The following CSMD1 variants were observed in gnomAD, a reference collection of about 807,000 sequenced individuals.
CSMD1 encodes the protein CUB and Sushi multiple domains 1, also known as CUB and sushi domain-containing protein 1.
CSMD1 carries 213 observed loss-of-function variants against 417.5 expected under a neutral mutation model. The ratio of observed to expected loss-of-function variants is 0.51; its 90% CI spans 0.46 to 0.57. The LOEUF (loss-of-function observed/expected upper bound fraction) is 0.57, where lower values mean the gene tolerates loss of function less well. CSMD1 is among the 20% of genes least tolerant of loss of function. The pLI is 0.00. For missense variants in CSMD1, 6,923 were observed against 4,529.7 expected (o/e 1.53, Z -15.17); for synonymous variants, 2,862 against 1,736.8 (o/e 1.65, Z -16.11).
intron 1 of CSMD1, among the ~76,000 whole-genome samples, chr8:4,720,772 G>T (rs1393704149): frequency 6.6e-6 from 1 of 151,964 alleles, no homozygotes; most frequent in Non-Finnish European, 1.5e-5. Context: ...AAATCATCTT[G>T]GTCCATACTT....
rs1804126014 is a variant in CSMD1 at position 3,298,351 on chromosome 8, AC to A, written c.3950+9343del. ...CAGAACCATCCAAATGTCCATCAGC[AC>A]CCAGAATGGATAAATAAATTATATC... On this transcript the variant is annotated intron_variant, in intron 25 of 69. Coordinates refer to ENST00000635120, the MANE Select transcript of CSMD1 (RefSeq NM_033225.6). Among the ~76,000 whole-genome samples the A allele has an allele frequency of 3.3e-5, 5 of 152,206 alleles. No individual in the cohort carries two copies. The South Asian group carries it at 1.0e-3, about 31-fold the overall frequency.
intron 3 of CSMD1, among the ~76,000 whole-genome samples, chr8:4,058,967 A>G (rs1322620749): frequency 6.6e-6 from 1 of 151,942 alleles, no homozygotes; most frequent in Non-Finnish European, 1.5e-5. Flanking sequence ...AGAACTCTCC[A>G]CCCCAAATCA....
At chr8:4,892,547 C>A (rs137930092) in intron 1 of CSMD1, among the ~76,000 whole-genome samples, 1 of 152,000 alleles carries the variant, frequency 6.6e-6, no homozygotes, top group African/African-American at 2.4e-5. Context: ...CTTGTACTAG[C>A]GTTAGGTATT....
At chr8:3,990,954 C>T (rs551441460) in intron 5 of CSMD1, among the ~76,000 whole-genome samples, 2 of 152,140 alleles carry the variant, frequency 1.3e-5, no homozygotes, top group Non-Finnish European at 2.9e-5. Flanking sequence ...CTAGATGATG[C>T]TTTTCAGAAG....
intron 6 of CSMD1, among the ~76,000 whole-genome samples, chr8:3,742,527 A>T (rs1268885948): frequency 2.6e-5 from 4 of 152,204 alleles, no homozygotes; most frequent in African/African-American, 4.8e-5. Context: ...CTGCACTGAA[A>T]ATAAAATAAA....
intron 1 of CSMD1, among the ~76,000 whole-genome samples, chr8:4,816,639 C>A (rs372273475): frequency 2.0e-5 from 3 of 152,088 alleles, no homozygotes; most frequent in Admixed American, 6.5e-5. Flanking sequence ...TGTTCCCGAC[C>A]GTATGGCTCT....
At chr8:3,917,778 CCCA>C (rs984017751) in intron 5 of CSMD1, among the ~76,000 whole-genome samples, 2 of 152,074 alleles carry the variant, frequency 1.3e-5, no homozygotes, top group African/African-American at 2.4e-5. Context: ...AAAGATTCCC[CCCA>C]CACCTATTAT....
chr8:3,091,765 C>T (rs1005903949), intron 47 of CSMD1, 103 bp from the exon 48 acceptor site: 2 of 922,086 alleles, frequency 2.2e-6, no homozygotes, highest in Admixed American at 3.4e-5. Context: ...GTGTGCAATA[C>T]ACAGATATAA....
At chr8:3,308,751 TTTGC>T (rs780193684) in intron 23 of CSMD1, among the ~76,000 whole-genome samples, 1 of 122,478 alleles carries the variant, frequency 8.2e-6, no homozygotes, top group Admixed American at 8.3e-5. Context: ...TTTTTTTTTT[TTTGC>T]TTTTGTTGCC....
intron 3 of CSMD1, among the ~76,000 whole-genome samples, chr8:4,058,130 G>C (rs1367748393): frequency 6.6e-6 from 1 of 152,090 alleles, no homozygotes; most frequent in East Asian, 1.9e-4. Flanking sequence ...TGGGCAGCAT[G>C]GCCATTTTCA....
intron 7 of CSMD1, among the ~76,000 whole-genome samples, chr8:3,642,729 A>T (rs1044596044): frequency 2.0e-5 from 3 of 152,182 alleles, no homozygotes; most frequent in Non-Finnish European, 2.9e-5. Context: ...TTAGTAAAAG[A>T]AAGACTAGAA....
intron 5 of CSMD1, among the ~76,000 whole-genome samples, chr8:3,922,849 C>T (rs941895574): frequency 6.6e-6 from 1 of 152,008 alleles, no homozygotes; most frequent in African/African-American, 2.4e-5. Context: ...ACATGGCCTT[C>T]AGATATTGGG....
intron 2 of CSMD1, among the ~76,000 whole-genome samples, chr8:4,453,834 T>TTTA (rs1799304614): frequency 7.2e-6 from 1 of 138,452 alleles, no homozygotes; most frequent in Non-Finnish European, 1.6e-5. Flanking sequence ...TTTTTTTTTT[T>TTTA]TTTTTGAGAC....
At chr8:4,156,196 T>C (rs546622906) in intron 3 of CSMD1, among the ~76,000 whole-genome samples, 1 of 152,310 alleles carries the variant, frequency 6.6e-6, no homozygotes, top group African/African-American at 2.4e-5. Context: ...GTTTCATATC[T>C]GGACTGGGAT....
intron 3 of CSMD1, among the ~76,000 whole-genome samples, chr8:4,236,376 G>C (rs965500783): frequency 6.6e-6 from 1 of 152,084 alleles, no homozygotes; most frequent in Non-Finnish European, 1.5e-5. Flanking sequence ...CTCGGAGAAA[G>C]GGGTGAAGAC....
chr8:4,977,654 G>C (rs1810641613), intron 1 of CSMD1, among the ~76,000 whole-genome samples: 1 of 152,198 alleles, frequency 6.6e-6, no homozygotes, highest in Non-Finnish European at 1.5e-5. Flanking sequence ...TGCAGACCCA[G>C]ATGCCTCACT....
chr8:3,957,566 C>A (rs1812041098), intron 5 of CSMD1, among the ~76,000 whole-genome samples: 1 of 152,046 alleles, frequency 6.6e-6, no homozygotes, highest in African/African-American at 2.4e-5. Flanking sequence ...TACTTGTAGT[C>A]CCAGCTACTC....
At chr8:4,915,553 AC>A (rs1365862868) in intron 1 of CSMD1, among the ~76,000 whole-genome samples, 2 of 152,240 alleles carry the variant, frequency 1.3e-5, no homozygotes, top group African/African-American at 4.8e-5. Flanking sequence ...GGTGTCATGG[AC>A]CTGCGTCTGC....
intron 11 of CSMD1, among the ~76,000 whole-genome samples, chr8:3,491,253 T>A (rs1345804836): frequency 6.6e-6 from 1 of 152,174 alleles, no homozygotes; most frequent in Non-Finnish European, 1.5e-5. Flanking sequence ...ATCACTGAGT[T>A]GGAATCCCTG....
Sources: allele counts gnomAD v4.1 joint callset (sites outside exome capture counted in the v4.1 genomes callset), GRCh38; gene constraint gnomAD v4.1.1; transcripts MANE v1.5; gene names NCBI Gene and HGNC (gene_info 2026-07-23, HGNC 2026-07-21).